Variants in TMX3 observed in about 807,000 individuals in gnomAD.
The protein encoded by TMX3 is protein disulfide-isomerase TMX3.
A neutral mutation model predicts 64.4 loss-of-function variants in TMX3; 40 were observed. The observed-to-expected ratio is 0.62, with a 90% CI of 0.48 to 0.81. The LOEUF (loss-of-function observed/expected upper bound fraction) is 0.81. TMX3 is among the 30% of genes least tolerant of loss of function. TMX3 has a pLI of 0.00. For synonymous variants in TMX3, 189 were observed against 175.7 expected, an observed-to-expected ratio of 1.08 and a Z score of -0.60; for missense variants, 497 against 534.5, an observed-to-expected ratio of 0.93 and a Z score of 0.69.
intron 8 of TMX3, among the ~76,000 whole-genome samples, chr18:68,693,253 G>A (rs1240184487): frequency 2.0e-5 from 3 of 152,162 alleles, no homozygotes; most frequent in African/African-American, 4.8e-5. Flanking sequence ...CAGGGGAGGC[G>A]CAGCAGGGAC....
intron 5 of TMX3, 94 bp from the exon 6 acceptor site, chr18:68,700,579 C>A: frequency 9.8e-7 from 1 of 1,022,724 alleles, no homozygotes; most frequent in Non-Finnish European, 1.3e-6. Context: ...AATTATATTA[C>A]ATAAAATAGT....
chr18:68,697,081 ACT>A lies in TMX3; in HGVS notation c.570+143_570+144del, dbSNP rs1915162253. 1.4e-5 allele frequency: 7 copies of A among 515,312 alleles called. No homozygotes were observed. The South Asian group carries it at 1.9e-4, about 14-fold the overall frequency. 31.9% of individuals were successfully genotyped at this position (515,312 alleles called of 1,614,324 possible). Reference sequence around the variant, plus strand: ...CCAGTAGTAAAGAATCAGCATGTTTACTTTTTCCAAACATATCACAGTAAATA... The same window carrying A: ...CCAGTAGTAAAGAATCAGCATGTTTATTTTCCAAACATATCACAGTAAATA... On this transcript the variant is annotated intron_variant, in intron 8 of 15. Coordinates refer to ENST00000299608, the MANE Select transcript of TMX3 (RefSeq NM_019022.5).
chr18:68,684,396 T>A, intron 11 of TMX3, 32 bp downstream of exon 11: 4 of 1,597,322 alleles, frequency 2.5e-6, no homozygotes, highest in Middle Eastern at 1.7e-4. Flanking sequence ...AAATGAACAT[T>A]TGAAGCTTAA....
chr18:68,690,580 T>C (rs1914418245), intron 9 of TMX3, among the ~76,000 whole-genome samples: 1 of 152,208 alleles, frequency 6.6e-6, no homozygotes. Flanking sequence ...TGTAGCTGCA[T>C]GTGGTTTATC....
intron 13 of TMX3, 69 bp downstream of exon 13, chr18:68,682,856 A>C: frequency 7.2e-7 from 1 of 1,386,052 alleles, no homozygotes; most frequent in Non-Finnish European, 1.0e-6. Context: ...TAATCCTTCT[A>C]CCTGTATCTC....
intron 6 of TMX3, among the ~76,000 whole-genome samples, chr18:68,700,204 A>G (rs531727049): frequency 6.6e-6 from 1 of 152,288 alleles, no homozygotes; most frequent in East Asian, 1.9e-4. Flanking sequence ...GTTAACAAGT[A>G]TGTAATACAA....
At chr18:68,709,841 C>CTACATACTACAT (rs1555691260) in intron 4 of TMX3, among the ~76,000 whole-genome samples, 180 bp downstream of exon 4, 6,322 of 152,000 alleles carry the variant, frequency 0.042, 415 homozygotes, top group African/African-American at 0.14. Flanking sequence ...GATTAACACA[C>CTACATACTACAT]ACTACACGCT....
chr18:68,701,701 G>T, intron 5 of TMX3, 44 bp downstream of exon 5: 2 of 1,608,812 alleles, frequency 1.2e-6, no homozygotes, highest in South Asian at 2.2e-5. Context: ...TAAGTAGAGT[G>T]AACTAATAAA....
chr18:68,690,209 C>T (rs911129408), intron 9 of TMX3, among the ~76,000 whole-genome samples: 1 of 152,096 alleles, frequency 6.6e-6, no homozygotes, highest in African/African-American at 2.4e-5. Flanking sequence ...GTAAGAAAAA[C>T]ACATTCTAGA....
intron 8 of TMX3, among the ~76,000 whole-genome samples, chr18:68,695,605 A>C (rs1469668591): frequency 1.3e-5 from 2 of 152,306 alleles, no homozygotes; most frequent in East Asian, 3.9e-4. Flanking sequence ...AAAACATCTA[A>C]GAGTCACCCT....
chr18:68,691,245 G>T, intron 9 of TMX3, 50 bp downstream of exon 9: 1 of 1,290,680 alleles, frequency 7.7e-7, no homozygotes, highest in African/African-American at 1.5e-5. Context: ...TTGTATAACA[G>T]ACATTTTAAT....
intron 10 of TMX3, chr18:68,687,441 A>G (rs1914071103): frequency 2.0e-6 from 2 of 985,244 alleles, no homozygotes; most frequent in African/African-American, 1.7e-5. Context: ...TTTCCTTATC[A>G]CCATCAGTTC....
intron 8 of TMX3, among the ~76,000 whole-genome samples, chr18:68,694,171 T>C (rs894583175): frequency 1.3e-5 from 2 of 152,076 alleles, no homozygotes; most frequent in Non-Finnish European, 2.9e-5. Context: ...GGCTGAAACA[T>C]ACCCCCCAGT....
At chr18:68,706,213 C>T (rs1025616439) in intron 4 of TMX3, 2 of 152,240 alleles carry the variant, frequency 1.3e-5, no homozygotes, top group Non-Finnish European at 2.9e-5. Flanking sequence ...TGTTTGGGAC[C>T]AGCCTGGCTA....
At chr18:68,702,805 C>G (rs1039098023) in intron 4 of TMX3, among the ~76,000 whole-genome samples, 1 of 152,140 alleles carries the variant, frequency 6.6e-6, no homozygotes, top group African/African-American at 2.4e-5. Context: ...ATCAACTCAC[C>G]AATTCAATTC....
At chr18:68,709,192 A>G (rs1350656021) in intron 4 of TMX3, among the ~76,000 whole-genome samples, 1 of 152,176 alleles carries the variant, frequency 6.6e-6, no homozygotes, top group East Asian at 1.9e-4. Context: ...AAACTTTCTC[A>G]GTGTTACACA....
At chr18:68,677,663 T>C (rs748273203) in intron 15 of TMX3, among the ~76,000 whole-genome samples, 4 of 152,180 alleles carry the variant, frequency 2.6e-5, no homozygotes, top group Non-Finnish European at 4.4e-5. Flanking sequence ...TAAAACTTCA[T>C]TGACTTACTA....
rs1266264307 is a variant in TMX3 at position 68,711,377 on chromosome 18, A to C, written c.128T>G (p.Ile43Ser). ...TTACATACTTACATCTACAAGCCAAATGTCATCATTTCGATTTTCTTTAAA... is the reference window on the plus strand; with the variant it reads ...TTACATACTTACATCTACAAGCCAACTGTCATCATTTCGATTTTCTTTAAA... ...ESFKENRNDD[I>S]WLVDFYAPWC... The change falls in exon 3 of 16, where the codon ATT (isoleucine) becomes AGT (serine). Residue 43 changes from isoleucine to serine, a missense_variant. Physicochemically the swap from Ile to Ser is moderately radical, Grantham distance 142. Coordinates refer to ENST00000299608, the MANE Select transcript of TMX3 (RefSeq NM_019022.5). 3.1e-6 allele frequency: 5 copies of C among 1,589,324 alleles called. No individual in the cohort carries two copies. The Admixed American group carries it at 8.7e-5, about 28-fold the overall frequency.
At position 68,685,461 on chromosome 18, in the gene TMX3, T is replaced by C. The variant is rs377677624; in HGVS notation, c.737-976A>G. On this transcript the variant is annotated intron_variant, in intron 10 of 15. Coordinates refer to ENST00000299608, the MANE Select transcript of TMX3 (RefSeq NM_019022.5). The stretch of plus-strand genomic sequence containing the variant: ...CAATGACATCTACCTTCCTGAAATA[T>C]CTCGTTTGCTATTCTTTTTTTGTAT... Among the ~76,000 whole-genome samples, 60 of 152,332 alleles carry C rather than the reference T, an allele frequency of 3.9e-4. No homozygotes were observed. The South Asian group carries it at 8.9e-3, about 23-fold the overall frequency.
Sources: allele counts gnomAD v4.1 joint callset (sites outside exome capture counted in the v4.1 genomes callset), GRCh38; gene constraint gnomAD v4.1.1; transcripts MANE v1.5; gene names NCBI Gene and HGNC (gene_info 2026-07-23, HGNC 2026-07-21).